The following PRKCE variants were observed in gnomAD, a reference collection of about 807,000 sequenced individuals.
The protein encoded by PRKCE is protein kinase C epsilon type.
A neutral mutation model predicts 85.4 loss-of-function variants in PRKCE; 16 were observed. The ratio of observed to expected loss-of-function variants is 0.19; its 90% CI spans 0.13 to 0.28. The LOEUF is 0.28. Ranked by LOEUF, PRKCE falls within the 10% of genes least tolerant of loss-of-function variation. PRKCE has a pLI of 1.00. For synonymous variants in PRKCE, 388 were observed against 371.5 expected (o/e 1.04, Z -0.51); for missense variants, 573 against 975.2 (o/e 0.59, Z 5.49).
At chr2:45,836,693 T>A (rs941205108) in intron 1 of PRKCE, among the ~76,000 whole-genome samples, 9 of 152,164 alleles carry the variant, frequency 5.9e-5, no homozygotes, top group African/African-American at 1.9e-4. Flanking sequence ...TCCCCCAGTC[T>A]TCTGTCCTGA....
intron 2 of PRKCE, among the ~76,000 whole-genome samples, chr2:45,894,769 C>T (rs930953491): frequency 6.6e-6 from 1 of 152,222 alleles, no homozygotes; most frequent in African/African-American, 2.4e-5. Context: ...GTCGCCCAGG[C>T]TGGAGTGCAA....
intron 2 of PRKCE, among the ~76,000 whole-genome samples, chr2:45,906,515 G>T (rs1350680863): frequency 6.6e-6 from 1 of 152,230 alleles, no homozygotes; most frequent in Non-Finnish European, 1.5e-5. Flanking sequence ...TAATTCAAGG[G>T]CAGGGAAGAG....
chr2:45,764,209 C>G (rs1011576079), intron 1 of PRKCE, among the ~76,000 whole-genome samples: 1 of 152,166 alleles, frequency 6.6e-6, no homozygotes, highest in African/African-American at 2.4e-5. Flanking sequence ...CCTTGAGTTT[C>G]TTAAAGCAAA....
At chr2:45,675,808 C>T (rs1676414579) in intron 1 of PRKCE, 1 of 152,280 alleles carries the variant, frequency 6.6e-6, no homozygotes, top group Non-Finnish European at 1.5e-5. Context: ...TGGCCCTCAG[C>T]TCACAGATGG....
chr2:45,881,063 G>A (rs1350944302), intron 2 of PRKCE, among the ~76,000 whole-genome samples: 1 of 148,028 alleles, frequency 6.8e-6, no homozygotes, highest in Non-Finnish European at 1.5e-5. Context: ...TGAGGCAGGA[G>A]AATGGCGTGA....
chr2:46,182,897 C>T (rs1164900138), intron 14 of PRKCE, among the ~76,000 whole-genome samples: 2 of 152,092 alleles, frequency 1.3e-5, no homozygotes, highest in African/African-American at 4.8e-5. Flanking sequence ...CCAATTTCTC[C>T]CGTGTCCAGA....
intron 1 of PRKCE, among the ~76,000 whole-genome samples, chr2:45,740,068 A>G (rs1024623833): frequency 6.6e-6 from 1 of 151,560 alleles, no homozygotes; most frequent in South Asian, 2.1e-4. Flanking sequence ...TATAGCCCCA[A>G]CTACCTGGGA....
intron 1 of PRKCE, among the ~76,000 whole-genome samples, chr2:45,742,524 C>T (rs867368714): frequency 5.3e-5 from 8 of 151,956 alleles, no homozygotes; most frequent in Non-Finnish European, 1.2e-4. Context: ...AAAGGGTGTT[C>T]CACATCACTA....
At chr2:45,969,327 A>G (rs966635056) in intron 2 of PRKCE, among the ~76,000 whole-genome samples, 2 of 152,128 alleles carry the variant, frequency 1.3e-5, no homozygotes, top group African/African-American at 4.8e-5. Flanking sequence ...AGGCAGATGC[A>G]GGCATAAAAC....
chr2:45,886,011 G>T (rs918881072), intron 2 of PRKCE, among the ~76,000 whole-genome samples: 1 of 152,196 alleles, frequency 6.6e-6, no homozygotes, highest in Non-Finnish European at 1.5e-5. Context: ...CTTTCCCACT[G>T]AACTCCCTGG....
intron 11 of PRKCE, among the ~76,000 whole-genome samples, chr2:46,123,061 A>G (rs150761484): frequency 1.4e-5 from 2 of 147,024 alleles, no homozygotes; most frequent in Admixed American, 6.9e-5. Flanking sequence ...TTGTGGCAAT[A>G]TTACTGCCCA....
At chr2:45,680,023 G>C (rs940702591) in intron 1 of PRKCE, among the ~76,000 whole-genome samples, 1 of 152,244 alleles carries the variant, frequency 6.6e-6, no homozygotes, top group African/African-American at 2.4e-5. Flanking sequence ...ATTTGAGGGA[G>C]ATGATAACTA....
intron 1 of PRKCE, among the ~76,000 whole-genome samples, chr2:45,831,688 T>A (rs1690436937): frequency 6.6e-6 from 1 of 152,154 alleles, no homozygotes; most frequent in African/African-American, 2.4e-5. Flanking sequence ...ATCAGGAAAT[T>A]GAGGCATACA....
intron 2 of PRKCE, among the ~76,000 whole-genome samples, chr2:45,885,623 C>T (rs1257050083): frequency 6.6e-6 from 1 of 152,202 alleles, no homozygotes; most frequent in Non-Finnish European, 1.5e-5. Flanking sequence ...AGTGCATAAT[C>T]GTAGCCCAGC....
intron 10 of PRKCE, among the ~76,000 whole-genome samples, chr2:46,050,440 G>A (rs1708785867): frequency 1.3e-5 from 2 of 152,176 alleles, no homozygotes; most frequent in African/African-American, 4.8e-5. Context: ...GAGTTTAATG[G>A]GTTTAAGCCA....
intron 11 of PRKCE, among the ~76,000 whole-genome samples, chr2:46,121,272 A>G (rs1352862310): frequency 6.6e-6 from 1 of 152,060 alleles, no homozygotes; most frequent in Non-Finnish European, 1.5e-5. Context: ...CAGGCAGACA[A>G]TTTTCATTTC....
At position 45,984,803 on chromosome 2, in the gene PRKCE, C is replaced by G. The variant is rs570717567; in HGVS notation, c.823+123C>G. On this transcript the variant is annotated intron_variant, in intron 6 of 14. Transcript: ENST00000306156. ...ATTTGGCCAAGAACTGAGTGCAAGC[C>G]TTTGTTAATCCTGCATTAGTAACTC... 22 of 1,342,612 alleles carry G rather than the reference C, an allele frequency of 1.6e-5. No individual in the cohort carries two copies. In the South Asian group the frequency reaches 2.8e-4, roughly 17 times the overall value. 83.2% of individuals were successfully genotyped at this position (1,342,612 alleles called of 1,614,324 possible). A position where few individuals can be genotyped will look rare whatever the true frequency, so the allele number is the denominator to read the frequency against.
At chr2:45,712,886 C>T (rs1432967849) in intron 1 of PRKCE, among the ~76,000 whole-genome samples, 1 of 152,182 alleles carries the variant, frequency 6.6e-6, no homozygotes, top group Non-Finnish European at 1.5e-5. Context: ...TCTTCGTATT[C>T]GCCCCATACT....
chr2:45,728,815 G>C (rs927000482), intron 1 of PRKCE, among the ~76,000 whole-genome samples: 1 of 152,200 alleles, frequency 6.6e-6, no homozygotes, highest in African/African-American at 2.4e-5. Flanking sequence ...AACTGTATGA[G>C]GAAGGTATGA....
Sources: gnomAD v4.1 joint callset for allele counts (sites outside exome capture counted in the v4.1 genomes callset) on GRCh38, gnomAD v4.1.1 for gene constraint, MANE v1.5 for transcripts, NCBI Gene and HGNC (gene_info 2026-07-23, HGNC 2026-07-21) for gene names.